Variants in FGD6 observed in about 807,000 individuals in gnomAD.
FGD6 encodes FYVE, RhoGEF and PH domain-containing protein 6.
In FGD6, 90 loss-of-function variants were observed where a neutral mutation model predicts 149.4. That is an observed-to-expected ratio of 0.60 (90% CI 0.51 to 0.72). FGD6 has a LOEUF of 0.72. FGD6 is among the 30% of genes least tolerant of loss of function. The probability of loss-of-function intolerance (pLI) is 0.00; values close to 1 mark genes in which losing one functional copy is unlikely to be tolerated. For missense variants in FGD6, 1,437 were observed against 1,684.8 expected, an observed-to-expected ratio of 0.85 and a Z score of 2.57; for synonymous variants, 527 against 584.0, an observed-to-expected ratio of 0.90 and a Z score of 1.41.
intron 3 of FGD6, among the ~76,000 whole-genome samples, chr12:95,156,060 T>C (rs1376250556): frequency 6.6e-6 from 1 of 152,162 alleles, no homozygotes; most frequent in East Asian, 1.9e-4. Flanking sequence ...CTGAGGGGGA[T>C]GTATGTTGCC....
intron 6 of FGD6, among the ~76,000 whole-genome samples, chr12:95,139,767 G>A (rs192105131): frequency 1.3e-3 from 200 of 151,584 alleles, no homozygotes; most frequent in Admixed American, 2.0e-3. Flanking sequence ...CTCCCGAGTA[G>A]TTGGGATTAC....
At chr12:95,118,652 G>C (rs1038147874) in intron 8 of FGD6, among the ~76,000 whole-genome samples, 3 of 152,144 alleles carry the variant, frequency 2.0e-5, no homozygotes, top group African/African-American at 7.2e-5. Context: ...GTATAGGAGG[G>C]ATAACATTCC....
chr12:95,215,857 T>C (rs547591715), intron 1 of FGD6, among the ~76,000 whole-genome samples: 2 of 152,182 alleles, frequency 1.3e-5, no homozygotes, highest in Non-Finnish European at 2.9e-5. Flanking sequence ...TTAAATACAT[T>C]TGACACCTCC....
chr12:95,150,903 T>C (rs1880291384), intron 5 of FGD6, among the ~76,000 whole-genome samples: 1 of 152,092 alleles, frequency 6.6e-6, no homozygotes, highest in East Asian at 1.9e-4. Flanking sequence ...GAGACCAGCC[T>C]GGGCAACATG....
chr12:95,092,549 C>A, intron 16 of FGD6, 150 bp downstream of exon 16: 1 of 813,074 alleles, frequency 1.2e-6, no homozygotes, highest in Non-Finnish European at 1.7e-6. Context: ...GAGAAAACAC[C>A]ATTCATGTTT....
At chr12:95,106,725 C>T (rs1214664948) in intron 13 of FGD6, among the ~76,000 whole-genome samples, 1 of 151,976 alleles carries the variant, frequency 6.6e-6, no homozygotes, top group Admixed American at 6.6e-5. Flanking sequence ...TGAAACCCGT[C>T]TCTACCGAAA....
At chr12:95,182,588 G>T (rs1251289969) in intron 2 of FGD6, among the ~76,000 whole-genome samples, 1 of 152,124 alleles carries the variant, frequency 6.6e-6, no homozygotes, top group Admixed American at 6.5e-5. Flanking sequence ...TTTATCGAGG[G>T]CCTACTATGT....
At chr12:95,132,612 C>T (rs1477785422) in intron 8 of FGD6, among the ~76,000 whole-genome samples, 1 of 151,870 alleles carries the variant, frequency 6.6e-6, no homozygotes, top group Non-Finnish European at 1.5e-5. Context: ...ATTAGCTGGG[C>T]GTGGTGGCAT....
intron 18 of FGD6, among the ~76,000 whole-genome samples, chr12:95,088,626 C>T (rs1877952360): frequency 6.6e-6 from 1 of 152,128 alleles, no homozygotes; most frequent in South Asian, 2.1e-4. Context: ...CAGAAATTTG[C>T]ACATGAATAT....
chr12:95,095,861 A>G (rs1055742732), intron 14 of FGD6, among the ~76,000 whole-genome samples: 5 of 152,070 alleles, frequency 3.3e-5, no homozygotes, highest in African/African-American at 1.2e-4. Context: ...TAAAAATACA[A>G]AAGTTAGCCG....
Position 95,209,776 on chromosome 12 carries a change from C to A in FGD6, c.1508G>T (p.Ser503Ile). 6.2e-7 allele frequency: 1 copy of A among 1,613,174 alleles called. No individual in the cohort carries two copies. Among genetic ancestry groups the A allele is most frequent in the Non-Finnish European group, 8.5e-7 (1 of 1,179,878 alleles). The change falls in exon 2 of 21, where the codon AGC becomes ATC. Residue 503 changes from serine (S) to isoleucine (I), a missense_variant. Ser to Ile is a moderately radical substitution (Grantham distance 142). Coordinates refer to ENST00000343958, the MANE Select transcript of FGD6 (RefSeq NM_018351.4). ...TTTAAGCACTCCTGTAGCAGGCAAG[C>A]TATGTCTTTGAGGTTTTTTGGGGAC... ...RIVPKKPQRH[S>I]LPATGVLKKA...
intron 2 of FGD6, among the ~76,000 whole-genome samples, chr12:95,200,352 T>A (rs930176746): frequency 4.6e-5 from 7 of 152,350 alleles, no homozygotes; most frequent in African/African-American, 1.4e-4. Context: ...TTTTCTTTGT[T>A]CAGTGTTTAT....
Position 95,080,678 on chromosome 12 carries a change from A to G in FGD6, c.*842T>C, listed in dbSNP as rs1017904789. ...TCATTGACTTGGGCTCAGAACTCTT[A>G]TAATAGCAGGGAATATTATGTGACA... On this transcript the variant is annotated 3_prime_UTR_variant, in exon 21 of 21. Transcript: ENST00000343958. 1 of 152,198 alleles carries G rather than the reference A, an allele frequency of 6.6e-6. No individual in the cohort carries two copies. The highest frequency in any genetic ancestry group is 1.5e-5 in the Non-Finnish European group (1 of 68,024). The allele number at this position is 152,198 out of a possible 1,614,324, so 9.4% of individuals were successfully genotyped here.
intron 5 of FGD6, among the ~76,000 whole-genome samples, chr12:95,149,633 G>T (rs1361834785): frequency 8.9e-6 from 1 of 112,512 alleles, no homozygotes; most frequent in Non-Finnish European, 1.7e-5. Flanking sequence ...CTCTAGCATG[G>T]ATGACACAGC....
intron 3 of FGD6, among the ~76,000 whole-genome samples, chr12:95,157,503 T>G (rs1258919548): frequency 7.6e-5 from 11 of 144,290 alleles, no homozygotes; most frequent in Non-Finnish European, 1.5e-4. Flanking sequence ...GAGGCAGAGG[T>G]TGCAGTGAGT....
intron 8 of FGD6, among the ~76,000 whole-genome samples, chr12:95,132,193 C>CG (rs1190567727): frequency 2.0e-5 from 3 of 152,002 alleles, no homozygotes; most frequent in Non-Finnish European, 4.4e-5. Flanking sequence ...CACTGTCACC[C>CG]GGGCTGAAGT....
chr12:95,083,028 T>TACACACACACACACACAC (rs1275300348), intron 20 of FGD6, among the ~76,000 whole-genome samples: 25 of 67,850 alleles, frequency 3.7e-4, no homozygotes, highest in African/African-American at 1.2e-3. Context: ...TATATATATA[T>TACACACACACACACACAC]ATACACACAC....
intron 3 of FGD6, among the ~76,000 whole-genome samples, chr12:95,163,914 A>G (rs111600451): frequency 0.014 from 2,134 of 152,334 alleles, 25 homozygotes; most frequent in Non-Finnish European, 0.021. Context: ...GCTCTATATT[A>G]TCTCCAACTT....
chr12:95,111,527 C>A (rs547229094), intron 9 of FGD6, among the ~76,000 whole-genome samples: 2 of 152,130 alleles, frequency 1.3e-5, no homozygotes, highest in East Asian at 3.8e-4. Flanking sequence ...TGTATCCTCA[C>A]GAGAGGGGCT....
Sources: allele counts gnomAD v4.1 joint callset (sites outside exome capture counted in the v4.1 genomes callset), GRCh38; gene constraint gnomAD v4.1.1; transcripts MANE v1.5; gene names NCBI Gene and HGNC (gene_info 2026-07-23, HGNC 2026-07-21).